Variants in PDZD7 observed in about 807,000 individuals in gnomAD.
The protein encoded by PDZD7 is PDZ domain-containing protein 7.
Under a neutral mutation model 84.7 loss-of-function variants are expected in PDZD7, and 72 were observed. The observed-to-expected ratio is 0.85, with a 90% CI of 0.70 to 1.03. PDZD7 has a LOEUF of 1.03. PDZD7 is among the 50% of genes least tolerant of loss of function. PDZD7 has a pLI of 0.00. For missense variants in PDZD7, 1,490 were observed against 1,412.9 expected, an observed-to-expected ratio of 1.05 and a Z score of -0.87; for synonymous variants, 594 against 580.7, an observed-to-expected ratio of 1.02 and a Z score of -0.33.
rs1367414369 is a variant in PDZD7, at chr10:101,010,747, G to A, written c.2142C>T (p.Ile714=). ...CTACTGGCACGTCTTGTAGAGGGGG[G>A]ATCCCTTTATGGGGGTGGCGAGGGG... ...ASAPRHPHKG[I]PPLQDVPVDA... The change falls in exon 15 of 17, where the codon ATC becomes ATT. Residue 714 remains isoleucine, a synonymous_variant. Coordinates refer to ENST00000619208, the MANE Select transcript of PDZD7 (RefSeq NM_001195263.2). The A allele has an allele frequency of 2.0e-6, 2 of 988,348 alleles. No homozygotes were observed. Among genetic ancestry groups the A allele is most frequent in the South Asian group, 2.7e-5 (2 of 74,074 alleles). 61.2% of individuals were successfully genotyped at this position (988,348 alleles called of 1,614,324 possible). A position where few individuals can be genotyped will look rare whatever the true frequency, so the allele number is the denominator to read the frequency against.
At chr10:101,022,030 A>G (rs1020978758) in intron 5 of PDZD7, 85 bp from the exon 6 acceptor site, 1 of 1,576,508 alleles carries the variant, frequency 6.3e-7, no homozygotes, top group African/African-American at 1.4e-5. Flanking sequence ...TGGACACAAG[A>G]CTGCACCAGT....
chr10:101,008,529 C>T lies in PDZD7; in HGVS notation c.3040G>A (p.Ala1014Thr), dbSNP rs1321093035. The T allele has an allele frequency of 3.3e-6, 5 of 1,533,208 alleles. No homozygotes were observed. Among genetic ancestry groups the T allele is most frequent in the African/African-American group, 1.4e-5 (1 of 72,426 alleles). 95.0% of individuals were successfully genotyped at this position (1,533,208 alleles called of 1,614,324 possible). A position where few individuals can be genotyped will look rare whatever the true frequency, so the allele number is the denominator to read the frequency against. Reference protein sequence around the residue: ...ARLLQPTPSPAPSPALQTPDS... With the variant: ...ARLLQPTPSPTPSPALQTPDS... Reference sequence around the variant, plus strand: ...GGAGTCTGGAGGGCTGGGGAGGGGGCTGGGCTGGGAGTTGGCTGGAGGAGC... The same window carrying T: ...GGAGTCTGGAGGGCTGGGGAGGGGGTTGGGCTGGGAGTTGGCTGGAGGAGC... Residue 1014 changes from alanine to threonine, a missense_variant, in exon 17 of 17, where the codon GCC (alanine) becomes ACC (threonine). Coordinates refer to ENST00000619208, the MANE Select transcript of PDZD7 (RefSeq NM_001195263.2).
At chr10:101,022,034 CA>C (rs1853138715) in intron 5 of PDZD7, 89 bp from the exon 6 acceptor site, 1 of 1,571,310 alleles carries the variant, frequency 6.4e-7, no homozygotes, top group Admixed American at 1.9e-5. Flanking sequence ...CACAAGACTG[CA>C]CCAGTCAAGG....
intron 4 of PDZD7, 123 bp from the exon 5 acceptor site, chr10:101,022,508 G>A: frequency 9.2e-7 from 1 of 1,086,050 alleles, no homozygotes. Flanking sequence ...CCAGGCCTGA[G>A]ACCTGCAGTG....
rs899312910 is a variant in PDZD7, at chr10:101,008,247, G to A, written c.*220C>T. 22 of 568,318 alleles carry A rather than the reference G, an allele frequency of 3.9e-5. No individual in the cohort carries two copies. In the African/African-American group the frequency reaches 3.9e-4, roughly 10 times the overall value. The allele number at this position is 568,318 out of a possible 1,614,324, so 35.2% of individuals were successfully genotyped here. On this transcript the variant is annotated 3_prime_UTR_variant, in exon 17 of 17. Coordinates refer to ENST00000619208, the MANE Select transcript of PDZD7 (RefSeq NM_001195263.2). ...GGAGGTTGGGGAGCAGTGAGTGCAG[G>A]TGACACAGGCTGCCCACTAGCACCT... is the stretch of plus-strand genomic sequence containing the variant.
intron 10 of PDZD7, 137 bp from the exon 11 acceptor site, chr10:101,015,948 C>T (rs1289815955): frequency 2.2e-6 from 2 of 925,974 alleles, no homozygotes; most frequent in Non-Finnish European, 3.2e-6. Context: ...CATGGTAGCC[C>T]ACAGCAACCT....
At chr10:101,009,217 C>T in intron 16 of PDZD7, 33 bp downstream of exon 16, 2 of 1,505,618 alleles carry the variant, frequency 1.3e-6, no homozygotes, top group Non-Finnish European at 1.8e-6. Context: ...CAGCTGTGCT[C>T]TGAGAGGGTG....
rs748001519 is a variant in PDZD7 at position 101,019,114 on chromosome 10, C to G, written c.1032G>C (p.Ser344=). Residue 344 remains serine (S), a synonymous_variant, in exon 8 of 17, where the codon TCG becomes TCC. Transcript: ENST00000619208. The part of the protein sequence containing the change: ...SAPYSSGSLP[S]DRMDICLGQE... ...GCCCGAGGCAGATGTCCATGCGGTCCGACGGCAGGGAGCCCGAGCTGTAGG... is the reference window on the plus strand; with the variant it reads ...GCCCGAGGCAGATGTCCATGCGGTCGGACGGCAGGGAGCCCGAGCTGTAGG... 1.3e-6 allele frequency: 2 copies of G among 1,553,830 alleles called. No homozygotes were observed. Among genetic ancestry groups the G allele is most frequent in the African/African-American group, 1.3e-5 (1 of 74,174 alleles).
chr10:101,027,018 C>T (rs1937752576), intron 2 of PDZD7, among the ~76,000 whole-genome samples: 1 of 152,160 alleles, frequency 6.6e-6, no homozygotes, highest in South Asian at 2.1e-4. Context: ...ATCTTCTCTA[C>T]CTCCACTGCC....
rs1227799787 is a variant in PDZD7 at position 101,008,293 on chromosome 10, G to A, written c.*174C>T. On this transcript the variant is annotated 3_prime_UTR_variant, in exon 17 of 17. Transcript: ENST00000619208. ...CACCTTGTCCTTGGACACTAAGGCA[G>A]AGCCTTAATGACAGCTGAGGAGGGA... is the stretch of plus-strand genomic sequence containing the variant. 1.3e-5 allele frequency: 9 copies of A among 719,540 alleles called. No individual in the cohort carries two copies. The highest frequency in any genetic ancestry group is 1.8e-5 in the Non-Finnish European group (8 of 450,706). The allele number at this position is 719,540 out of a possible 1,614,324, so 44.6% of individuals were successfully genotyped here.
rs1040393175 is a variant in PDZD7 at position 101,015,691 on chromosome 10, G to A, written c.1694C>T (p.Ala565Val). ...ESRRPLIQDL[A>V]QRLLTDDEVL... ...CTCGTCATCAGTCAGCAGCCTCTGGGCCAGGTCCTGAATGAGGGGCCGCCG... is the reference window on the plus strand; with the variant it reads ...CTCGTCATCAGTCAGCAGCCTCTGGACCAGGTCCTGAATGAGGGGCCGCCG... Residue 565 changes from alanine to valine, a missense_variant, in exon 11 of 17, where the codon GCC (alanine) becomes GTC (valine). By Grantham distance (64) the Ala-to-Val change is moderately conservative. Transcript: ENST00000619208. 24 of 1,550,308 alleles carry A rather than the reference G, an allele frequency of 1.5e-5. No individual in the cohort carries two copies. The highest frequency in any genetic ancestry group is 9.6e-5 in the African/African-American group (7 of 73,030).
chr10:101,021,790 C>G lies in PDZD7; in HGVS notation c.867+8G>C, dbSNP rs750437953. 1 of 1,614,224 alleles carries G rather than the reference C, an allele frequency of 6.2e-7. No homozygotes were observed. The highest frequency in any genetic ancestry group is 8.5e-7 in the Non-Finnish European group (1 of 1,180,040). ...CTCACCTCTCCCTACCCCCACTGTT[C>G]TGCCCACCTTGATGGTCAGCATGAT... On this transcript the variant is annotated splice_region_variant and intron_variant, in intron 6 of 16. Coordinates refer to ENST00000619208, the MANE Select transcript of PDZD7 (RefSeq NM_001195263.2).
At position 101,015,628 on chromosome 10, in the gene PDZD7, A is replaced by G; in HGVS notation, c.1749+8T>C. On this transcript the variant is annotated splice_region_variant and intron_variant, in intron 11 of 16. Coordinates refer to ENST00000619208, the MANE Select transcript of PDZD7 (RefSeq NM_001195263.2). ...TGTGCCAGGGCTGCGGATGGGATGA[A>G]GGCTTACCCGGGAGCAGTGGCGGGT... 6.5e-7 allele frequency: 1 copy of G among 1,549,726 alleles called. No homozygotes were observed. The highest frequency in any genetic ancestry group is 8.7e-7 in the Non-Finnish European group (1 of 1,146,404).
Position 101,023,962 on chromosome 10 carries a change from G to A in PDZD7, c.333C>T (p.Ile111=), listed in dbSNP as rs770417426. 2 of 1,614,252 alleles carry A rather than the reference G, an allele frequency of 1.2e-6. No homozygotes were observed. Among genetic ancestry groups the A allele is most frequent in the East Asian group, 4.5e-5 (2 of 44,886 alleles). ...TGCCTTCCTCCACTTTGCTGACGAA[G>A]ATGCCCAGGCCATGCTCTGAGCCCC... ...VRGGSEHGLG[I]FVSKVEEGSS... The change falls in exon 3 of 17, where the codon ATC becomes ATT. Residue 111 remains isoleucine, a synonymous_variant. Coordinates refer to ENST00000619208, the MANE Select transcript of PDZD7 (RefSeq NM_001195263.2).
At chr10:101,014,101 C>T (rs190520689) in intron 11 of PDZD7, among the ~76,000 whole-genome samples, 84 of 151,824 alleles carry the variant, frequency 5.5e-4, no homozygotes, top group Non-Finnish European at 1.0e-3. Flanking sequence ...ACAGGTGATC[C>T]GCTCACCTCG....
intron 7 of PDZD7, among the ~76,000 whole-genome samples, chr10:101,020,109 T>C (rs1021616035): frequency 2.0e-5 from 3 of 150,444 alleles, no homozygotes. Flanking sequence ...TAAATTATTA[T>C]TATTATTATT....
intron 11 of PDZD7, among the ~76,000 whole-genome samples, 151 bp downstream of exon 11, chr10:101,015,482 GTGT>G (rs1852576650): frequency 1.3e-5 from 2 of 152,138 alleles, no homozygotes; most frequent in Admixed American, 1.3e-4. Context: ...GTGTGTGTGT[GTGT>G]GTGTGTGACA....
chr10:101,016,320 AC>A, intron 10 of PDZD7, 56 bp downstream of exon 10: 1 of 1,531,774 alleles, frequency 6.5e-7, no homozygotes, highest in Non-Finnish European at 8.8e-7. Context: ...CCCAGTATGC[AC>A]CCTCATCTGC....
intron 1 of PDZD7, 55 bp from the exon 2 acceptor site, chr10:101,030,439 C>T: frequency 1.5e-6 from 1 of 666,176 alleles, no homozygotes; most frequent in Non-Finnish European, 2.8e-6. Context: ...CCTGCTGCCC[C>T]CTAAAACTTC....
Sources: allele counts gnomAD v4.1 joint callset (sites outside exome capture counted in the v4.1 genomes callset), GRCh38; gene constraint gnomAD v4.1.1; transcripts MANE v1.5; gene names NCBI Gene and HGNC (gene_info 2026-07-23, HGNC 2026-07-21).